The following PCDH15 variants were observed in gnomAD, a reference collection of about 807,000 sequenced individuals.
PCDH15 encodes protocadherin related 15, also known as protocadherin-15.
A neutral mutation model predicts 178.5 loss-of-function variants in PCDH15; 129 were observed. That is an observed-to-expected ratio of 0.72 (90% CI 0.63 to 0.84). The LOEUF is 0.84. Among genes scored for constraint, PCDH15 ranks in the 40% least tolerant of loss-of-function variants. The pLI is 0.00. For missense variants in PCDH15, 2,230 were observed against 2,099.9 expected (o/e 1.06, Z -1.21); for synonymous variants, 800 against 732.0 (o/e 1.09, Z -1.50).
intron 16 of PCDH15, 34 bp from the exon 17 acceptor site, chr10:54,079,458 AAG>A (rs1397669158): frequency 6.4e-7 from 1 of 1,568,268 alleles, no homozygotes; most frequent in South Asian, 1.1e-5. Context: ...ATAAGACAAA[AAG>A]AGATATTATG....
chr10:54,102,199 G>A (rs2094825636), intron 15 of PCDH15, among the ~76,000 whole-genome samples: 1 of 152,128 alleles, frequency 6.6e-6, no homozygotes, highest in South Asian at 2.1e-4. Flanking sequence ...GCATAGTCAA[G>A]AACATGGGAA....
intron 2 of PCDH15, among the ~76,000 whole-genome samples, chr10:55,423,874 G>A (rs756534132): frequency 1.3e-5 from 2 of 152,042 alleles, no homozygotes; most frequent in African/African-American, 2.4e-5. Context: ...TAAAATGTAA[G>A]TTTTTAAATA....
At chr10:54,870,044 T>C (rs1365099960) in intron 3 of PCDH15, among the ~76,000 whole-genome samples, 2 of 152,208 alleles carry the variant, frequency 1.3e-5, no homozygotes, top group Admixed American at 1.3e-4. Flanking sequence ...TCGCCACCAA[T>C]GAAGTCAAGA....
intron 14 of PCDH15, among the ~76,000 whole-genome samples, chr10:54,145,747 A>G (rs544728215): frequency 7.6e-4 from 116 of 152,202 alleles, no homozygotes; most frequent in African/African-American, 2.2e-3. Context: ...CAGTAGTAAG[A>G]GTTAAGGTAC....
At chr10:53,883,178 C>T (rs111734212) in intron 26 of PCDH15, among the ~76,000 whole-genome samples, 1 of 131,372 alleles carries the variant, frequency 7.6e-6, no homozygotes, top group East Asian at 2.5e-4. Flanking sequence ...CATACACATA[C>T]ATATGTGTGT....
intron 1 of PCDH15, among the ~76,000 whole-genome samples, chr10:55,183,365 A>C (rs1839705894): frequency 6.6e-6 from 1 of 151,928 alleles, no homozygotes; most frequent in African/African-American, 2.4e-5. Flanking sequence ...TGATGAAATA[A>C]AAAATCTGAG....
chr10:54,103,123 T>C (rs891461495), intron 15 of PCDH15, among the ~76,000 whole-genome samples: 5 of 152,230 alleles, frequency 3.3e-5, no homozygotes, highest in African/African-American at 1.2e-4. Context: ...GTCTGTAAAC[T>C]GGCTCAACTC....
intron 26 of PCDH15, among the ~76,000 whole-genome samples, chr10:53,883,193 T>C (rs2080856450): frequency 6.6e-6 from 1 of 151,854 alleles, no homozygotes; most frequent in African/African-American, 2.4e-5. Flanking sequence ...GTGTGTGTAT[T>C]CTATGTATTC....
chr10:55,520,520 T>G (rs1394984684), intron 2 of PCDH15, among the ~76,000 whole-genome samples: 1 of 133,230 alleles, frequency 7.5e-6, no homozygotes, highest in Non-Finnish European at 1.6e-5. Flanking sequence ...TGTGTGTGTG[T>G]GTGTATATAT....
At chr10:53,934,016 G>A (rs1477010859) in intron 25 of PCDH15, among the ~76,000 whole-genome samples, 1 of 152,004 alleles carries the variant, frequency 6.6e-6, no homozygotes, top group African/African-American at 2.4e-5. Context: ...CTTTTTGATG[G>A]GGTTGTTTGT....
chr10:55,286,198 T>A (rs369981160), intron 1 of PCDH15, among the ~76,000 whole-genome samples: 1 of 151,914 alleles, frequency 6.6e-6, no homozygotes. Context: ...GCTACTATTA[T>A]GTTACAATCA....
intron 1 of PCDH15, among the ~76,000 whole-genome samples, chr10:55,307,280 A>G (rs1588898272): frequency 6.6e-6 from 1 of 151,982 alleles, no homozygotes; most frequent in Non-Finnish European, 1.5e-5. Flanking sequence ...AGGCAGGCGG[A>G]TCACGAGGTC....
chr10:55,162,987 CTT>C (rs1369174787), intron 2 of PCDH15, among the ~76,000 whole-genome samples: 1 of 152,140 alleles, frequency 6.6e-6, no homozygotes, highest in Non-Finnish European at 1.5e-5. Flanking sequence ...GTTCTACAGA[CTT>C]TTGCATTTCT....
chr10:54,271,704 A>G (rs1226654277), intron 8 of PCDH15, among the ~76,000 whole-genome samples: 1 of 152,136 alleles, frequency 6.6e-6, no homozygotes, highest in Non-Finnish European at 1.5e-5. Flanking sequence ...AATAAAGTGT[A>G]ATAATTCTTA....
intron 1 of PCDH15, among the ~76,000 whole-genome samples, chr10:55,175,014 T>A (rs1839438857): frequency 6.7e-6 from 1 of 149,338 alleles, no homozygotes; most frequent in South Asian, 2.1e-4. Context: ...GCAGGCCGAC[T>A]TACAAACAGC....
intron 3 of PCDH15, among the ~76,000 whole-genome samples, chr10:54,437,427 A>G (rs952382645): frequency 4.6e-5 from 7 of 152,200 alleles, no homozygotes; most frequent in African/African-American, 1.7e-4. Flanking sequence ...TATAAAGTCT[A>G]TAGCAATGTA....
chr10:54,657,193 A>G (rs2094421511), intron 2 of PCDH15, among the ~76,000 whole-genome samples: 1 of 152,202 alleles, frequency 6.6e-6, no homozygotes, highest in African/African-American at 2.4e-5. Flanking sequence ...GAGTCAAAGG[A>G]CAATGTATAT....
chr10:54,430,824 A>T (rs1218920900), intron 3 of PCDH15, among the ~76,000 whole-genome samples: 4 of 152,076 alleles, frequency 2.6e-5, no homozygotes, highest in Admixed American at 6.6e-5. Context: ...TGAAATAAAA[A>T]GTTTGTTTGT....
intron 3 of PCDH15, among the ~76,000 whole-genome samples, chr10:54,450,735 A>ATT (rs2076433808): frequency 6.6e-6 from 1 of 151,844 alleles, no homozygotes; most frequent in South Asian, 2.1e-4. Flanking sequence ...CACCTATGAT[A>ATT]TTTACTTCTG....
Sources: gnomAD v4.1 joint callset for allele counts (sites outside exome capture counted in the v4.1 genomes callset) on GRCh38, gnomAD v4.1.1 for gene constraint, MANE v1.5 for transcripts, NCBI Gene and HGNC (gene_info 2026-07-23, HGNC 2026-07-21) for gene names.